Variants in TMEM170A observed in about 807,000 individuals in gnomAD.
TMEM170A encodes the protein transmembrane protein 170.
Under a neutral mutation model 12.8 loss-of-function variants are expected in TMEM170A, and 18 were observed. The ratio of observed to expected loss-of-function variants is 1.41; its 90% confidence interval spans 0.97 to 2.09. The LOEUF (loss-of-function observed/expected upper bound fraction) is 2.09, where lower values mean the gene tolerates loss of function less well. TMEM170A is among the 30% of genes most tolerant of loss of function. TMEM170A has a pLI of 0.00. For synonymous variants in TMEM170A, 107 were observed against 76.2 expected, an observed-to-expected ratio of 1.40 and a Z score of -2.11; for missense variants, 220 against 179.9, an observed-to-expected ratio of 1.22 and a Z score of -1.28.
Position 75,446,365 on chromosome 16 carries a change from AAAAG to A in TMEM170A, c.*1189_*1192del, listed in dbSNP as rs1354411595. 3 of 152,192 alleles carry A rather than the reference AAAAG, an allele frequency of 2.0e-5. No individual in the cohort carries two copies. Among genetic ancestry groups the A allele is most frequent in the Admixed American group, 6.5e-5 (1 of 15,270 alleles). 9.4% of individuals were successfully genotyped at this position (152,192 alleles called of 1,614,324 possible). A position where few individuals can be genotyped will look rare whatever the true frequency, so the allele number is the denominator to read the frequency against. The stretch of plus-strand genomic sequence containing the variant: ...TCACAGTTTTCAGGCCTTTTAATGA[AAAAG>A]AAAGTTAGGCAGTAGAATAAAAATT... On this transcript the variant is annotated 3_prime_UTR_variant, in exon 3 of 3. Transcript: ENST00000561878.
In TMEM170A at chr16:75,443,069, C is replaced by T. The variant is rs907445005; in HGVS notation, c.*4489G>A. On this transcript the variant is annotated 3_prime_UTR_variant, in exon 3 of 3. Coordinates refer to ENST00000561878, the MANE Select transcript of TMEM170A (RefSeq NM_145254.3). ...GAATTTCAAGTTCACATGTTAAGTA[C>T]GGTTTAATCACAACTTTGAACAAGA... 1.3e-5 allele frequency: 2 copies of T among 151,982 alleles called. No homozygotes were observed. The highest frequency in any genetic ancestry group is 6.6e-5 in the Admixed American group (1 of 15,234). 9.4% of individuals were successfully genotyped at this position (151,982 alleles called of 1,614,324 possible).
chr16:75,452,222 C>T (rs906475835), intron 1 of TMEM170A, among the ~76,000 whole-genome samples: 2 of 152,118 alleles, frequency 1.3e-5, no homozygotes, highest in Non-Finnish European at 2.9e-5. Flanking sequence ...CCGCCCGCCT[C>T]GGCCTCCCAA....
At chr16:75,447,768 C>T in intron 2 of TMEM170A, 80 bp from the exon 3 acceptor site, 1 of 1,422,702 alleles carries the variant, frequency 7.0e-7, no homozygotes, top group East Asian at 2.3e-5. Flanking sequence ...ATTTAAAATA[C>T]TACTGCGAGT....
intron 1 of TMEM170A, among the ~76,000 whole-genome samples, chr16:75,461,831 T>A (rs1474724656): frequency 6.6e-6 from 1 of 152,172 alleles, no homozygotes; most frequent in Non-Finnish European, 1.5e-5. Context: ...ATAACAGTAA[T>A]CATAAACTCA....
chr16:75,453,106 G>A (rs1194359868), intron 1 of TMEM170A, among the ~76,000 whole-genome samples: 1 of 151,732 alleles, frequency 6.6e-6, no homozygotes, highest in East Asian at 1.9e-4. Flanking sequence ...TGAAAAAAAA[G>A]GTTCATCTAG....
At chr16:75,457,356 A>G (rs755616921) in intron 1 of TMEM170A, among the ~76,000 whole-genome samples, 13 of 152,164 alleles carry the variant, frequency 8.5e-5, no homozygotes, top group Non-Finnish European at 1.9e-4. Flanking sequence ...CTAAGGGCTG[A>G]ATTATGTGCC....
At chr16:75,447,954 G>A (rs1288789136) in intron 2 of TMEM170A, among the ~76,000 whole-genome samples, 3 of 152,114 alleles carry the variant, frequency 2.0e-5, no homozygotes, top group Admixed American at 2.0e-4. Context: ...AAAATAATCT[G>A]GAAGAAATAA....
At chr16:75,461,185 C>G (rs997986160) in intron 1 of TMEM170A, among the ~76,000 whole-genome samples, 1 of 152,122 alleles carries the variant, frequency 6.6e-6, no homozygotes, top group African/African-American at 2.4e-5. Flanking sequence ...TCCCGAGTAG[C>G]TGGAATTACA....
At chr16:75,453,535 T>C (rs1196662583) in intron 1 of TMEM170A, among the ~76,000 whole-genome samples, 2 of 152,260 alleles carry the variant, frequency 1.3e-5, no homozygotes, top group African/African-American at 4.8e-5. Context: ...TCAATGCCTG[T>C]TGATCTTTCC....
rs372789356 is a variant in TMEM170A, at chr16:75,455,892, C to A, written c.134-4053G>T. 3.0e-4 allele frequency among the ~76,000 whole-genome samples: 46 copies of A among 152,228 alleles called. 3 individuals carry two copies. Among genetic ancestry groups the A allele is most frequent in the Admixed American group, 7.9e-4 (12 of 15,278 alleles). On this transcript the variant is annotated intron_variant, in intron 1 of 2. Coordinates refer to ENST00000561878, the MANE Select transcript of TMEM170A (RefSeq NM_145254.3). ...GAGACCAGTCAGGGGCATCAATCCGCTTGAGGGGATTAGAAAGGGGGAGGA... is the reference window on the plus strand; with the variant it reads ...GAGACCAGTCAGGGGCATCAATCCGATTGAGGGGATTAGAAAGGGGGAGGA...
At chr16:75,461,223 T>G (rs2079901379) in intron 1 of TMEM170A, among the ~76,000 whole-genome samples, 1 of 148,918 alleles carries the variant, frequency 6.7e-6, no homozygotes, top group African/African-American at 2.6e-5. Flanking sequence ...CCCGCAAATT[T>G]TTGTATTTTT....
At chr16:75,462,580 A>C (rs2079927062) in intron 1 of TMEM170A, among the ~76,000 whole-genome samples, 1 of 152,216 alleles carries the variant, frequency 6.6e-6, no homozygotes, top group South Asian at 2.1e-4. Flanking sequence ...TCTGACCAAA[A>C]ATGTTTAATC....
At chr16:75,464,282 T>C (rs765749138) in intron 1 of TMEM170A, 186 bp downstream of exon 1, 1 of 1,490,260 alleles carries the variant, frequency 6.7e-7, no homozygotes, top group South Asian at 1.3e-5. Context: ...GGGCTCCGCC[T>C]CAGGGACCGC....
chr16:75,462,970 A>G (rs2079933237), intron 1 of TMEM170A, among the ~76,000 whole-genome samples: 1 of 152,308 alleles, frequency 6.6e-6, no homozygotes, highest in South Asian at 2.1e-4. Context: ...GCAACTTCCT[A>G]TTGAATGACT....
At chr16:75,458,315 T>A (rs1371404586) in intron 1 of TMEM170A, 2 of 152,214 alleles carry the variant, frequency 1.3e-5, no homozygotes, top group African/African-American at 4.8e-5. Flanking sequence ...CCCAAAGGTG[T>A]TCGCATCTCC....
At chr16:75,450,724 G>A (rs773201707) in intron 2 of TMEM170A, among the ~76,000 whole-genome samples, 7 of 151,998 alleles carry the variant, frequency 4.6e-5, no homozygotes, top group Non-Finnish European at 1.0e-4. Context: ...GTGTGATCAC[G>A]ACTCACTGCA....
chr16:75,451,574 T>C (rs2151631790), intron 2 of TMEM170A, 95 bp downstream of exon 2: 2 of 1,368,966 alleles, frequency 1.5e-6, no homozygotes, highest in Non-Finnish European at 2.1e-6. Context: ...AGGCACTCTT[T>C]CCTTCATCCT....
At chr16:75,464,036 G>A (rs547411164) in intron 1 of TMEM170A, among the ~76,000 whole-genome samples, 5 of 152,326 alleles carry the variant, frequency 3.3e-5, no homozygotes, top group Non-Finnish European at 5.9e-5. Flanking sequence ...AGGGGAGCGC[G>A]AGCTCTGACT....
intron 1 of TMEM170A, among the ~76,000 whole-genome samples, chr16:75,456,086 G>C (rs981302041): frequency 5.9e-5 from 9 of 152,160 alleles, no homozygotes; most frequent in Non-Finnish European, 1.3e-4. Context: ...GGGGCTATTG[G>C]AGATAGGGGT....
Sources: gnomAD v4.1 joint callset for allele counts (sites outside exome capture counted in the v4.1 genomes callset) on GRCh38, gnomAD v4.1.1 for gene constraint, MANE v1.5 for transcripts, NCBI Gene and HGNC (gene_info 2026-07-23, HGNC 2026-07-21) for gene names.